MECOM: variants seen among roughly 807,000 people sequenced by gnomAD.
MECOM encodes the protein MDS1 and EVI1 complex locus, also known as histone-lysine N-methyltransferase MECOM.
A neutral mutation model predicts 116.3 loss-of-function variants in MECOM; 13 were observed. That is an observed-to-expected ratio of 0.11 (90% CI 0.07 to 0.18). The LOEUF (loss-of-function observed/expected upper bound fraction) is 0.18. Ranked by LOEUF, MECOM falls within the 10% of genes least tolerant of loss-of-function variation. The probability of loss-of-function intolerance (pLI) is 1.00; values close to 1 mark genes in which losing one functional copy is unlikely to be tolerated. For missense variants in MECOM, 1,299 were observed against 1,509.0 expected (o/e 0.86, Z 2.31); for synonymous variants, 528 against 535.2 (o/e 0.99, Z 0.19).
chr3:169,114,162 A>G (rs116415924), intron 8 of MECOM, among the ~76,000 whole-genome samples: 1 of 152,060 alleles, frequency 6.6e-6, no homozygotes, highest in Non-Finnish European at 1.5e-5. Context: ...AATGTGTGAC[A>G]TACAATCTAC....
chr3:169,343,210 A>C (rs1724837703), intron 2 of MECOM, among the ~76,000 whole-genome samples: 1 of 152,274 alleles, frequency 6.6e-6, no homozygotes, highest in East Asian at 1.9e-4. Context: ...TAGCCTGATA[A>C]GTTGATTTTG....
At chr3:169,234,025 G>T (rs1753727699) in intron 2 of MECOM, among the ~76,000 whole-genome samples, 1 of 152,022 alleles carries the variant, frequency 6.6e-6, no homozygotes, top group Admixed American at 6.6e-5. Flanking sequence ...ACATTTTATA[G>T]TGACAGCTGT....
rs746737788 is a variant in MECOM at position 169,116,602 on chromosome 3, T to C, written c.1270A>G (p.Arg424Gly). 9 of 1,614,112 alleles carry C rather than the reference T, an allele frequency of 5.6e-6. No homozygotes were observed. The South Asian group carries it at 9.9e-5, about 18-fold the overall frequency. ...FSTTSSLNKHRRFCEGKNHFA... is the reference protein window; with the variant it reads ...FSTTSSLNKHGRFCEGKNHFA... ...TGGTTCTTGCCCTCACAAAACCTCC[T>C]GTGTTTATTTAAGGAAGACGTAGTG... is the stretch of plus-strand genomic sequence containing the variant. The change falls in exon 8 of 17, where the codon AGG becomes GGG. Residue 424 changes from arginine (R) to glycine (G), a missense_variant. Physicochemically the swap from Arg to Gly is moderately radical, Grantham distance 125 (BLOSUM62 -2). Transcript: ENST00000651503.
chr3:169,504,894 T>C (rs1755005304), intron 1 of MECOM, among the ~76,000 whole-genome samples: 2 of 152,208 alleles, frequency 1.3e-5, no homozygotes, highest in Non-Finnish European at 2.9e-5. Flanking sequence ...AAATATATGC[T>C]TACGCTTAGC....
At chr3:169,483,795 T>C (rs897117502) in intron 1 of MECOM, 6 of 1,611,724 alleles carry the variant, frequency 3.7e-6, no homozygotes, top group South Asian at 1.1e-5. Flanking sequence ...CAAATATTTT[T>C]TGGTGAGATA....
chr3:169,583,649 T>TTTTG (rs1035423858), intron 1 of MECOM, among the ~76,000 whole-genome samples: 2 of 152,208 alleles, frequency 1.3e-5, no homozygotes, highest in African/African-American at 4.8e-5. Flanking sequence ...ATTGGTAATT[T>TTTTG]TTTGTTTGTT....
At chr3:169,489,335 A>C (rs1174247153) in intron 1 of MECOM, among the ~76,000 whole-genome samples, 2 of 152,200 alleles carry the variant, frequency 1.3e-5, no homozygotes, top group Non-Finnish European at 2.9e-5. Context: ...ACATATAGAG[A>C]AAGTGACAAG....
At chr3:169,237,700 C>CA (rs1229206393) in intron 2 of MECOM, among the ~76,000 whole-genome samples, 1 of 149,774 alleles carries the variant, frequency 6.7e-6, no homozygotes, top group African/African-American at 2.5e-5. Context: ...CTATGCTTCC[C>CA]AAAAATCACT....
chr3:169,097,825 A>AAAAAAAAAAAAAAC (rs1722170439), intron 12 of MECOM, among the ~76,000 whole-genome samples: 1 of 135,842 alleles, frequency 7.4e-6, no homozygotes, highest in Non-Finnish European at 1.5e-5. Flanking sequence ...TATAAAAAAA[A>AAAAAAAAAAAAAAC]AAAAAAAAAA....
intron 2 of MECOM, among the ~76,000 whole-genome samples, chr3:169,288,228 T>TA (rs11425785): frequency 0.21 from 29,236 of 139,978 alleles, 6,594 homozygotes; most frequent in African/African-American, 0.56. Context: ...CAAGTTTTAG[T>TA]AAAAAAAAAA....
intron 1 of MECOM, among the ~76,000 whole-genome samples, chr3:169,608,405 T>G (rs975238172): frequency 1.3e-5 from 2 of 152,178 alleles, no homozygotes; most frequent in Non-Finnish European, 2.9e-5. Context: ...AAAGCAGATC[T>G]CGAGTCAGTA....
intron 15 of MECOM, among the ~76,000 whole-genome samples, 196 bp downstream of exon 15, chr3:169,089,804 A>G (rs936601085): frequency 2.6e-5 from 4 of 152,094 alleles, no homozygotes; most frequent in East Asian, 1.9e-4. Flanking sequence ...ACCAAACCTG[A>G]TGTATTTATA....
Position 169,097,840 on chromosome 3 carries a change from A to G in MECOM, c.2850-2595T>C, listed in dbSNP as rs941333464. ...TATAAAAAAAAAAAAAAAAAAAAAA[A>G]GGTGGATTCCACTGTCAAGGAGCTT... is the stretch of plus-strand genomic sequence containing the variant. On this transcript the variant is annotated intron_variant, in intron 12 of 16. Coordinates refer to ENST00000651503, the MANE Select transcript of MECOM (RefSeq NM_004991.4). Among the ~76,000 whole-genome samples the G allele has an allele frequency of 6.4e-5, 9 of 140,652 alleles. No individual in the cohort carries two copies. The South Asian group carries it at 1.2e-3, about 19-fold the overall frequency. The allele number at this position is 140,652 out of a possible 152,430, so 92.3% of individuals were successfully genotyped here. A position where few individuals can be genotyped will look rare whatever the true frequency, so the allele number is the denominator to read the frequency against.
intron 2 of MECOM, among the ~76,000 whole-genome samples, chr3:169,341,836 AAGAGT>A (rs1169897910): frequency 1.3e-5 from 2 of 152,162 alleles, no homozygotes; most frequent in Non-Finnish European, 2.9e-5. Context: ...TTTAAAATAA[AAGAGT>A]GTAATTGGAT....
intron 1 of MECOM, among the ~76,000 whole-genome samples, chr3:169,492,654 G>A (rs1753233382): frequency 6.6e-6 from 1 of 152,070 alleles, no homozygotes; most frequent in Non-Finnish European, 1.5e-5. Flanking sequence ...AATAAATGGA[G>A]TAACCAGTAA....
At chr3:169,475,890 G>GT (rs561286937) in intron 1 of MECOM, among the ~76,000 whole-genome samples, 36 of 151,416 alleles carry the variant, frequency 2.4e-4, no homozygotes, top group Non-Finnish European at 4.1e-4. Flanking sequence ...CTCATGTTGG[G>GT]TTTTTTTTTA....
chr3:169,470,114 G>A (rs534998688), intron 1 of MECOM: 1 of 152,176 alleles, frequency 6.6e-6, no homozygotes, highest in Non-Finnish European at 1.5e-5. Context: ...ATGCAAAAGT[G>A]TATATGATTA....
intron 1 of MECOM, among the ~76,000 whole-genome samples, chr3:169,555,132 C>T (rs894064861): frequency 3.3e-5 from 5 of 152,132 alleles, no homozygotes; most frequent in African/African-American, 1.2e-4. Flanking sequence ...CTTTTAGGGG[C>T]CCAGAAATAT....
chr3:169,358,530 A>C (rs906011202), intron 2 of MECOM, among the ~76,000 whole-genome samples: 7 of 127,042 alleles, frequency 5.5e-5, no homozygotes, highest in Non-Finnish European at 1.2e-4. Context: ...TAGAGCCACA[A>C]AAAAAAAAAA....
Sources: allele counts gnomAD v4.1 joint callset (sites outside exome capture counted in the v4.1 genomes callset), GRCh38; gene constraint gnomAD v4.1.1; transcripts MANE v1.5; gene names NCBI Gene and HGNC (gene_info 2026-07-23, HGNC 2026-07-21).